The following HSPG2 variants were observed in gnomAD, a reference collection of about 807,000 sequenced individuals.
HSPG2 encodes the protein heparan sulfate proteoglycan 2.
HSPG2 carries 278 observed loss-of-function variants against 526.6 expected under a neutral mutation model. The observed-to-expected ratio is 0.53, with a 90% CI of 0.48 to 0.58. The LOEUF (loss-of-function observed/expected upper bound fraction) is 0.58, where lower values mean the gene tolerates loss of function less well. Ranked by LOEUF, HSPG2 falls within the 20% of genes least tolerant of loss-of-function variation. The probability of loss-of-function intolerance (pLI) is 0.00; values close to 1 mark genes in which losing one functional copy is unlikely to be tolerated. For synonymous variants in HSPG2, 2,465 were observed against 2,555.4 expected, an observed-to-expected ratio of 0.96 and a Z score of 1.07; for missense variants, 5,354 against 6,099.5, an observed-to-expected ratio of 0.88 and a Z score of 4.07.
Position 21,846,216 on chromosome 1 carries a change from C to T in HSPG2, c.8356G>A (p.Ala2786Thr). The change falls in exon 64 of 97, where the codon GCC becomes ACC. Residue 2786 changes from alanine (A) to threonine (T), a missense_variant. Coordinates refer to ENST00000374695, the MANE Select transcript of HSPG2 (RefSeq NM_005529.7). ...CGGCACACGTATTCACCCGAGTCGG[C>T]CGGGGACACATGGTGCAGCCGCAGC... The part of the protein sequence containing the change: ...SRLRLHHVSP[A>T]DSGEYVCRVM... The T allele has an allele frequency of 6.2e-7, 1 of 1,613,006 alleles. No individual in the cohort carries two copies. Among genetic ancestry groups the T allele is most frequent in the Non-Finnish European group, 8.5e-7 (1 of 1,179,992 alleles).
intron 76 of HSPG2, 171 bp from the exon 77 acceptor site, chr1:21,835,116 G>A: frequency 2.6e-6 from 2 of 765,576 alleles, no homozygotes; most frequent in East Asian, 2.7e-5. Context: ...CAGGTCTTAT[G>A]CATTTACTCA....
rs995206432 is a variant in HSPG2, at chr1:21,890,339, C to T, written c.413+88G>A. On this transcript the variant is annotated intron_variant, in intron 5 of 96. Coordinates refer to ENST00000374695, the MANE Select transcript of HSPG2 (RefSeq NM_005529.7). This position sits in a 1 kb window ranked among gnomAD's most constrained non-coding sequence, Gnocchi z 4.1. ...GCGACTCATCCCATAGGCCTTTCCGCGGTGCCAGGCTTCCTTCCCATCCTC... is the reference window on the plus strand; with the variant it reads ...GCGACTCATCCCATAGGCCTTTCCGTGGTGCCAGGCTTCCTTCCCATCCTC... The T allele has an allele frequency of 1.4e-5, 19 of 1,401,334 alleles. No homozygotes were observed. Among genetic ancestry groups the T allele is most frequent in the Middle Eastern group, 1.8e-4 (1 of 5,520 alleles). The allele number at this position is 1,401,334 out of a possible 1,614,324, so 86.8% of individuals were successfully genotyped here. A position where few individuals can be genotyped will look rare whatever the true frequency, so the allele number is the denominator to read the frequency against.
chr1:21,862,202 T>C (rs1319557295), intron 37 of HSPG2, 87 bp from the exon 38 acceptor site: 7 of 1,469,240 alleles, frequency 4.8e-6, no homozygotes, highest in Non-Finnish European at 6.5e-6. Flanking sequence ...ATCTAGAAAT[T>C]CCAAGTTTGT....
At chr1:21,924,763 C>T (rs925849002) in intron 1 of HSPG2, among the ~76,000 whole-genome samples, 1 of 152,176 alleles carries the variant, frequency 6.6e-6, no homozygotes, top group African/African-American at 2.4e-5. Flanking sequence ...CGAGTGTCTT[C>T]CTGCTCTTGC....
chr1:21,835,048 C>T (rs1404841037), intron 76 of HSPG2, 103 bp from the exon 77 acceptor site: 2 of 1,255,114 alleles, frequency 1.6e-6, no homozygotes, highest in Non-Finnish European at 2.3e-6. Flanking sequence ...GAAGCTCCAG[C>T]ATTCATTCAC....
chr1:21,905,171 C>CACACA lies in HSPG2; in HGVS notation c.64-8862_64-8861insTGTGT, dbSNP rs1557816019. On this transcript the variant is annotated intron_variant, in intron 1 of 96. Coordinates refer to ENST00000374695, the MANE Select transcript of HSPG2 (RefSeq NM_005529.7). ...GTCTACACACACACCCACCACCCAC[C>CACACA]CACACACACACACACACACACACAC... Among the ~76,000 whole-genome samples the CACACA allele has an allele frequency of 1.1e-3, 86 of 81,880 alleles. 1 individual carries two copies. Among genetic ancestry groups the CACACA allele is most frequent in the Admixed American group, 1.5e-3 (10 of 6,768 alleles). The allele number at this position is 81,880 out of a possible 152,430, so 53.7% of individuals were successfully genotyped here.
In HSPG2 at chr1:21,936,159, T is replaced by C. The variant is rs890613364; in HGVS notation, c.63+996A>G. Among the ~76,000 whole-genome samples the C allele has an allele frequency of 2.6e-5, 4 of 151,830 alleles. No individual in the cohort carries two copies. In the South Asian group the frequency reaches 6.2e-4, roughly 24 times the overall value. ...TGTGGCTCCCCACGGTAGGCTCGGCTCCCCAGATGTGCCCCCACCCACATC... is the reference window on the plus strand; with the variant it reads ...TGTGGCTCCCCACGGTAGGCTCGGCCCCCCAGATGTGCCCCCACCCACATC... On this transcript the variant is annotated intron_variant, in intron 1 of 96. Transcript: ENST00000374695.
At chr1:21,874,840 G>A in intron 26 of HSPG2, 51 bp downstream of exon 26, 1 of 1,537,940 alleles carries the variant, frequency 6.5e-7, no homozygotes, top group Non-Finnish European at 8.9e-7. Flanking sequence ...AGAAGGAGCG[G>A]GAAGCACCAT....
intron 52 of HSPG2, 146 bp downstream of exon 52, chr1:21,852,554 G>T: frequency 8.8e-7 from 1 of 1,141,692 alleles, no homozygotes; most frequent in Non-Finnish European, 1.3e-6. Context: ...TGGTTACTCT[G>T]ACAGGTGGAG....
chr1:21,849,215 C>T (rs1010885905), intron 57 of HSPG2, among the ~76,000 whole-genome samples, 184 bp from the exon 58 acceptor site: 41 of 152,264 alleles, frequency 2.7e-4, no homozygotes, highest in African/African-American at 9.9e-4. Flanking sequence ...GGTCTAGCGT[C>T]CCACCTCACC....
At chr1:21,881,714 G>A (rs996819254) in intron 13 of HSPG2, among the ~76,000 whole-genome samples, 7 of 151,982 alleles carry the variant, frequency 4.6e-5, no homozygotes, top group African/African-American at 1.2e-4. Context: ...AGGCTGAGGC[G>A]GGCAGATCAC....
At chr1:21,851,511 C>T in intron 55 of HSPG2, 35 bp downstream of exon 55, 1 of 1,612,880 alleles carries the variant, frequency 6.2e-7, no homozygotes, top group South Asian at 1.1e-5. Context: ...GGACCCGCTT[C>T]CTCTTCTTGG....
intron 1 of HSPG2, among the ~76,000 whole-genome samples, chr1:21,917,174 G>A (rs1643906053): frequency 6.6e-6 from 1 of 152,102 alleles, no homozygotes; most frequent in South Asian, 2.1e-4. Context: ...GCACATGCCT[G>A]TAATCCTAGC....
rs1289065142 is a variant in HSPG2 at position 21,887,956 on chromosome 1, A to G, written c.685T>C (p.Ser229Pro). Residue 229 changes from serine to proline, a missense_variant, in exon 7 of 97, where the codon TCT (serine) becomes CCT (proline). By Grantham distance (74) the Ser-to-Pro change is moderately conservative (BLOSUM62 -1). Coordinates refer to ENST00000374695, the MANE Select transcript of HSPG2 (RefSeq NM_005529.7). This position sits in a 1 kb window ranked among gnomAD's most constrained non-coding sequence, Gnocchi z 5.0. Reference protein sequence around the residue: ...CDRRPDCRDMSDELNCEEPVL... With the variant: ...CDRRPDCRDMPDELNCEEPVL... ...CCCTCACCACAATTGAGCTCATCAG[A>G]CATGTCCCTGCAGTCGGGCCGCCGG... 6.2e-7 allele frequency: 1 copy of G among 1,614,132 alleles called. No individual in the cohort carries two copies. The highest frequency in any genetic ancestry group is 8.5e-7 in the Non-Finnish European group (1 of 1,180,036).
At chr1:21,874,075 T>C (rs1476686465) in intron 28 of HSPG2, 64 bp from the exon 29 acceptor site, 1 of 1,394,002 alleles carries the variant, frequency 7.2e-7, no homozygotes, top group Non-Finnish European at 9.9e-7. Flanking sequence ...CCGATCCTCC[T>C]TCAGGACCAG....
chr1:21,832,975 G>A, intron 80 of HSPG2: 1 of 559,888 alleles, frequency 1.8e-6, no homozygotes, highest in Non-Finnish European at 3.2e-6. Flanking sequence ...GAGGGAGGAA[G>A]GAGCAGAGAT....
At chr1:21,910,960 T>C (rs1286854075) in intron 1 of HSPG2, among the ~76,000 whole-genome samples, 13 of 152,128 alleles carry the variant, frequency 8.5e-5, no homozygotes, top group Admixed American at 2.6e-4. Flanking sequence ...ATGGCCAAGC[T>C]GGGAGTCAAG....
At chr1:21,879,673 G>A (rs577089510) in intron 17 of HSPG2, among the ~76,000 whole-genome samples, 1 of 150,782 alleles carries the variant, frequency 6.6e-6, no homozygotes, top group South Asian at 2.1e-4. Context: ...TTTTTTCTGA[G>A]ACTGAGTCTT....
At position 21,861,778 on chromosome 1, in the gene HSPG2, T is replaced by C. The variant is rs773689001; in HGVS notation, c.4934A>G (p.Tyr1645Cys). The C allele has an allele frequency of 3.1e-6, 5 of 1,613,836 alleles. No individual in the cohort carries two copies. The Admixed American group carries it at 8.3e-5, about 27-fold the overall frequency. Residue 1645 changes from tyrosine to cysteine, a missense_variant, in exon 39 of 97, where the codon TAC (tyrosine) becomes TGC (cysteine). By Grantham distance (194) the Tyr-to-Cys change is radical. Transcript: ENST00000374695. ...TTACTGCTCACAGTACTGGCCAGTG[T>C]AGCCGGGTTCGCAGGCCGTGCAGCG... ...GYRCTACEPGYTGQYCEQCGP... is the reference protein window; with the variant it reads ...GYRCTACEPGCTGQYCEQCGP...
Sources: gnomAD v4.1 joint callset for allele counts (sites outside exome capture counted in the v4.1 genomes callset) on GRCh38, gnomAD v4.1.1 for gene constraint, Gnocchi (gnomAD v3.1) non-coding constraint, MANE v1.5 for transcripts, NCBI Gene and HGNC (gene_info 2026-07-23, HGNC 2026-07-21) for gene names.